SHISA6: variants seen among roughly 807,000 people sequenced by gnomAD.
SHISA6 encodes protein shisa-6.
In SHISA6, 22 loss-of-function variants were observed where a neutral mutation model predicts 47.9. The observed-to-expected ratio is 0.46, with a 90% CI of 0.33 to 0.66. SHISA6 has a LOEUF of 0.66. Among genes scored for constraint, SHISA6 ranks in the 30% least tolerant of loss-of-function variants. The pLI is 0.02. For synonymous variants in SHISA6, 388 were observed against 337.8 expected (o/e 1.15, Z -1.63); for missense variants, 680 against 764.6 (o/e 0.89, Z 1.30).
intron 3 of SHISA6, among the ~76,000 whole-genome samples, chr17:11,448,124 G>A (rs1279837921): frequency 6.6e-6 from 1 of 152,222 alleles, no homozygotes; most frequent in Non-Finnish European, 1.5e-5. Context: ...GGAAAAGGGG[G>A]AAGCAAAGGG....
chr17:11,442,005 G>A (rs190374762), intron 3 of SHISA6, among the ~76,000 whole-genome samples: 58 of 152,320 alleles, frequency 3.8e-4, no homozygotes, highest in African/African-American at 1.3e-3. Flanking sequence ...CCAGGAAGCA[G>A]GAAAACTGCA....
chr17:11,440,627 CATCATCCA>C (rs1314570227), intron 3 of SHISA6, among the ~76,000 whole-genome samples: 2 of 147,060 alleles, frequency 1.4e-5, no homozygotes, highest in South Asian at 4.3e-4. Flanking sequence ...TTGGATGATC[CATCATCCA>C]ATGTAGATGA....
At chr17:11,320,725 G>C (rs1045839060) in intron 2 of SHISA6, among the ~76,000 whole-genome samples, 1 of 151,982 alleles carries the variant, frequency 6.6e-6, no homozygotes, top group African/African-American at 2.4e-5. Flanking sequence ...GCAGCAGCCG[G>C]AGCAAAACAC....
chr17:11,342,278 A>G (rs1159557295), intron 2 of SHISA6, among the ~76,000 whole-genome samples: 1 of 152,058 alleles, frequency 6.6e-6, no homozygotes, highest in African/African-American at 2.4e-5. Context: ...TGGGAGGGGC[A>G]GTCTGTGAGC....
chr17:11,272,739 G>A (rs1402907545), intron 2 of SHISA6, among the ~76,000 whole-genome samples: 1 of 152,182 alleles, frequency 6.6e-6, no homozygotes, highest in Non-Finnish European at 1.5e-5. Context: ...GCAATGATGT[G>A]AACCCCATAT....
At chr17:11,410,085 A>G (rs1269275470) in intron 3 of SHISA6, among the ~76,000 whole-genome samples, 1 of 152,200 alleles carries the variant, frequency 6.6e-6, no homozygotes, top group African/African-American at 2.4e-5. Flanking sequence ...GTGAGTCCAG[A>G]TGCCTCCCAG....
chr17:11,288,002 A>C (rs1909380667), intron 2 of SHISA6, among the ~76,000 whole-genome samples: 2 of 152,186 alleles, frequency 1.3e-5, no homozygotes, highest in Admixed American at 1.3e-4. Context: ...AGCTAATCCT[A>C]CTCATCTATA....
intron 2 of SHISA6, among the ~76,000 whole-genome samples, chr17:11,359,412 T>C (rs955130565): frequency 2.0e-5 from 3 of 152,230 alleles, no homozygotes; most frequent in Admixed American, 6.5e-5. Context: ...ATACATCTCA[T>C]GGCTGCAGAG....
chr17:11,293,796 A>G (rs2142171433), intron 2 of SHISA6, among the ~76,000 whole-genome samples: 1 of 152,284 alleles, frequency 6.6e-6, no homozygotes, highest in South Asian at 2.1e-4. Context: ...ACCGGGTCAC[A>G]CTTGTGAAAT....
chr17:11,367,956 T>C (rs1912509713), intron 2 of SHISA6, among the ~76,000 whole-genome samples: 2 of 152,310 alleles, frequency 1.3e-5, no homozygotes, highest in East Asian at 1.9e-4. Flanking sequence ...GAGCAGATGC[T>C]GGCCGGACAG....
intron 3 of SHISA6, among the ~76,000 whole-genome samples, chr17:11,505,216 A>G (rs140474456): frequency 1.5e-3 from 223 of 152,116 alleles, no homozygotes; most frequent in African/African-American, 5.3e-3. Context: ...TATAATTATT[A>G]CCTCTCCTCT....
rs1191188990 is a variant in SHISA6, at chr17:11,537,633, GAGA to G, written c.896-14251_896-14249del. ...CTGCCACTTTGGGCCTTAGGAAGAA[GAGA>G]AGAAGAAGAAGGAAGCTCAGATAAG... is the stretch of plus-strand genomic sequence containing the variant. On this transcript the variant is annotated intron_variant, in intron 3 of 5. Transcript: ENST00000441885. 6.6e-5 allele frequency among the ~76,000 whole-genome samples: 10 copies of G among 152,278 alleles called. No individual in the cohort carries two copies. In the East Asian group the frequency reaches 1.5e-3, roughly 24 times the overall value.
intron 3 of SHISA6, among the ~76,000 whole-genome samples, chr17:11,514,855 T>C (rs1420993210): frequency 6.6e-6 from 1 of 152,200 alleles, no homozygotes; most frequent in Non-Finnish European, 1.5e-5. Context: ...CAACTAAAAA[T>C]CCTTGTAGTG....
intron 1 of SHISA6, among the ~76,000 whole-genome samples, chr17:11,260,489 G>A (rs373694528): frequency 2.6e-5 from 4 of 151,774 alleles, no homozygotes; most frequent in Non-Finnish European, 5.9e-5. Context: ...GTCTCTCTCC[G>A]TCTGACTCTT....
At chr17:11,311,219 T>A (rs1245919277) in intron 2 of SHISA6, among the ~76,000 whole-genome samples, 2 of 148,318 alleles carry the variant, frequency 1.3e-5, no homozygotes, top group African/African-American at 5.0e-5. Flanking sequence ...AAGGCAGAGG[T>A]TGCAGTGAGC....
In SHISA6 at chr17:11,241,650, G is replaced by A; in HGVS notation, c.228G>A (p.Gln76=). The A allele has an allele frequency of 2.8e-6, 4 of 1,428,268 alleles. No homozygotes were observed. Among genetic ancestry groups the A allele is most frequent in the Non-Finnish European group, 2.7e-6 (3 of 1,098,518 alleles). 88.5% of individuals were successfully genotyped at this position (1,428,268 alleles called of 1,614,324 possible). The stretch of plus-strand genomic sequence containing the variant: ...CGGAGGCGGGAAGCCGGCGGGGGCA[G>A]CCCGCGGCGGCTGTGGCGGCGGCGG... The part of the protein sequence containing the change: ...GIPEAGSRRG[Q]PAAAVAAAAS... Residue 76 remains glutamine (Q), a synonymous_variant, in exon 1 of 6, where the codon CAG becomes CAA. Transcript: ENST00000441885. The surrounding 1 kb of genome is among the most constrained non-coding windows in gnomAD (Gnocchi z 5.5).
chr17:11,482,368 C>G (rs968185928), intron 3 of SHISA6, among the ~76,000 whole-genome samples: 1 of 152,088 alleles, frequency 6.6e-6, no homozygotes, highest in African/African-American at 2.4e-5. Flanking sequence ...TATGTAAATT[C>G]CAGAAGACGG....
intron 3 of SHISA6, among the ~76,000 whole-genome samples, chr17:11,465,837 G>A (rs1019052354): frequency 2.6e-5 from 4 of 152,152 alleles, no homozygotes; most frequent in East Asian, 1.9e-4. Context: ...CGTGGCGAAC[G>A]CAGTCTCCAG....
chr17:11,515,312 A>AG (rs2071575014), intron 3 of SHISA6, among the ~76,000 whole-genome samples: 1 of 113,152 alleles, frequency 8.8e-6, no homozygotes, highest in African/African-American at 3.5e-5. Context: ...GGAAGAAAGA[A>AG]AAAGGAAGGA....
Sources: allele counts gnomAD v4.1 joint callset (sites outside exome capture counted in the v4.1 genomes callset), GRCh38; gene constraint gnomAD v4.1.1; non-coding constraint Gnocchi (gnomAD v3.1); transcripts MANE v1.5; gene names NCBI Gene and HGNC (gene_info 2026-07-23, HGNC 2026-07-21).